The following P2RX5 variants were observed in gnomAD, a reference collection of about 807,000 sequenced individuals.
P2RX5 encodes the protein P2X purinoceptor 5.
P2RX5 carries 46 observed loss-of-function variants against 54.1 expected under a neutral mutation model. The observed-to-expected ratio is 0.85, with a 90% CI of 0.67 to 1.09. P2RX5 has a LOEUF of 1.09. Among genes scored for constraint, P2RX5 ranks in the 50% least tolerant of loss-of-function variants. The pLI, the probability that P2RX5 is intolerant of heterozygous loss-of-function variation, is 0.00. For synonymous variants in P2RX5, 226 were observed against 226.4 expected (o/e 1.00, Z 0.02); for missense variants, 566 against 549.8 (o/e 1.03, Z -0.29).
the P2RX5 span, among the ~76,000 whole-genome samples, chr17:3,710,154 T>C: frequency 6.6e-6 from 1 of 151,878 alleles, no homozygotes; most frequent in Non-Finnish European, 1.5e-5. Context: ...AGGCCGGGCG[T>C]GGCGGCTCAC....
chr17:3,682,002 C>T (rs2050298033), intron 9 of P2RX5, 24 bp from the exon 10 acceptor site: 3 of 1,542,582 alleles, frequency 1.9e-6, no homozygotes, highest in Non-Finnish European at 2.7e-6. Context: ...GTTCCTGATT[C>T]AGAATCCTAG....
intron 10 of P2RX5, among the ~76,000 whole-genome samples, chr17:3,680,353 CA>C (rs2050225500): frequency 7.3e-6 from 1 of 137,472 alleles, no homozygotes. Context: ...GTCCTCCACC[CA>C]GTGTCCTCCA....
chr17:3,675,669 C>T (rs761395390), intron 11 of P2RX5: 32 of 692,880 alleles, frequency 4.6e-5, no homozygotes, highest in Admixed American at 6.3e-5. Flanking sequence ...CTCCTGCCTC[C>T]GCCTCCCGAG....
chr17:3,675,836 C>T lies in P2RX5; in HGVS notation c.1260-1959G>A, dbSNP rs562939324. Reference sequence around the variant, plus strand: ...AAAGTGCTGGGATTACAGGTGTGAGCCACTGCGCCCAGCCTGGATCTTTAC... The same window carrying T: ...AAAGTGCTGGGATTACAGGTGTGAGTCACTGCGCCCAGCCTGGATCTTTAC... On this transcript the variant is annotated intron_variant, in intron 11 of 11. Transcript: ENST00000225328. The T allele has an allele frequency of 9.1e-5, 90 of 983,840 alleles. No individual in the cohort carries two copies. The African/African-American group carries it at 1.5e-3, about 17-fold the overall frequency. The allele number at this position is 983,840 out of a possible 1,614,324, so 60.9% of individuals were successfully genotyped here.
At chr17:3,680,540 T>C (rs1261307777) in intron 10 of P2RX5, among the ~76,000 whole-genome samples, 1 of 134,392 alleles carries the variant, frequency 7.4e-6, no homozygotes, top group African/African-American at 3.0e-5. Context: ...CCACCCAGCG[T>C]CCTCCACCCG....
chr17:3,673,951 A>G (rs2050039506), intron 11 of P2RX5, 74 bp from the exon 12 acceptor site: 2 of 1,313,828 alleles, frequency 1.5e-6, no homozygotes, highest in African/African-American at 2.9e-5. Flanking sequence ...ACCAGTGCCC[A>G]GGGAGAAGGG....
intron 9 of P2RX5, among the ~76,000 whole-genome samples, chr17:3,684,351 C>G (rs570758937): frequency 6.6e-6 from 1 of 152,376 alleles, no homozygotes; most frequent in South Asian, 2.1e-4. Flanking sequence ...CGCCCATAAT[C>G]CCAGCACTTG....
chr17:3,698,611 CT>C (rs967997908), upstream of P2RX5, among the ~76,000 whole-genome samples: 1 of 152,176 alleles, frequency 6.6e-6, no homozygotes, highest in Admixed American at 6.6e-5. Flanking sequence ...CTGCCAGGCA[CT>C]TGCCCTCCAT....
chr17:3,706,295 G>A, the P2RX5 span, among the ~76,000 whole-genome samples: 1 of 151,718 alleles, frequency 6.6e-6, no homozygotes, highest in African/African-American at 2.4e-5. Context: ...GGGTTTCGCC[G>A]TGTTGCCCAG....
At chr17:3,690,787 A>T in intron 3 of P2RX5, 107 bp from the exon 4 acceptor site, 1 of 1,246,038 alleles carries the variant, frequency 8.0e-7, no homozygotes, top group Non-Finnish European at 1.2e-6. Flanking sequence ...GCCCACACAC[A>T]CTCTGAGAAC....
chr17:3,684,796 AC>A (rs1597710651), intron 9 of P2RX5, among the ~76,000 whole-genome samples: 1 of 146,754 alleles, frequency 6.8e-6, no homozygotes, highest in Non-Finnish European at 1.5e-5. Context: ...AGTCAGCAGC[AC>A]CCAGGCTAAG....
At chr17:3,723,478 G>A in the P2RX5 span, 25 of 1,060,634 alleles carry the variant, frequency 2.4e-5, no homozygotes, top group Non-Finnish European at 3.4e-5. Context: ...TAAGGTCCCA[G>A]AATAGAGGGT....
At chr17:3,704,077 C>T in the P2RX5 span, among the ~76,000 whole-genome samples, 1 of 151,740 alleles carries the variant, frequency 6.6e-6, no homozygotes, top group East Asian at 1.9e-4. Flanking sequence ...ACTCCAGCCT[C>T]GGCAACAAGA....
Position 3,695,952 on chromosome 17 carries a change from G to T in P2RX5, c.54C>A (p.Thr18=), listed in dbSNP as rs574587052. The T allele has an allele frequency of 1.2e-6, 2 of 1,614,096 alleles. No homozygotes were observed. The highest frequency in any genetic ancestry group is 2.2e-5 in the South Asian group (2 of 91,086). ...GLCLSLFDYK[T]EKYVIAKNKK... ...TGTTCTTGGCGATGACATACTTCTC[G>T]GTCTTGTAGTCGAACAGCGACAGGC... Residue 18 remains threonine, a synonymous_variant, in exon 1 of 12, where the codon ACC becomes ACA. Transcript: ENST00000225328.
In P2RX5 at chr17:3,688,096, T is replaced by C. The variant is rs765749478; in HGVS notation, c.897A>G (p.Arg299=). Residue 299 remains arginine, a synonymous_variant, in exon 9 of 12, where the codon AGA becomes AGG. Coordinates refer to ENST00000225328, the MANE Select transcript of P2RX5 (RefSeq NM_002561.4). ...CCACCCCGGCTGCGTCTCGGTAATA[T>C]CTGGCAAATCTGAGGGAGACAGGGC... The part of the protein sequence containing the change: ...VSSGYNFRFA[R]YYRDAAGVEF... 3 of 1,588,498 alleles carry C rather than the reference T, an allele frequency of 1.9e-6. No homozygotes were observed. In the South Asian group the frequency reaches 3.4e-5, roughly 18 times the overall value.
In P2RX5 at chr17:3,690,938, C is replaced by A; in HGVS notation, c.360+18G>T. 1.2e-6 allele frequency: 2 copies of A among 1,608,144 alleles called. No homozygotes were observed. Among genetic ancestry groups the A allele is most frequent in the Middle Eastern group, 1.7e-4 (1 of 5,984 alleles). On this transcript the variant is annotated intron_variant, in intron 3 of 11. Transcript: ENST00000225328. ...TGGCTCTCCCACCCCCACGCCAGGG[C>A]CCCTCGCCAAATCAAACCTCAGCAC...
the P2RX5 span, among the ~76,000 whole-genome samples, chr17:3,722,816 G>A: frequency 6.6e-6 from 1 of 152,192 alleles, no homozygotes; most frequent in African/African-American, 2.4e-5. Flanking sequence ...TTTTTAATAA[G>A]CAGGGGAATG....
rs2050744426 is a variant in P2RX5, at chr17:3,695,849, A to T, written c.137+20T>A. The stretch of plus-strand genomic sequence containing the variant: ...GCCCTGCCCCTCCCCCGCCTTCCCA[A>T]AAGTCCGCGGAGAACTTACACGACC... On this transcript the variant is annotated intron_variant, in intron 1 of 11. Coordinates refer to ENST00000225328, the MANE Select transcript of P2RX5 (RefSeq NM_002561.4). 1 of 1,613,048 alleles carries T rather than the reference A, an allele frequency of 6.2e-7. No homozygotes were observed. The highest frequency in any genetic ancestry group is 8.5e-7 in the Non-Finnish European group (1 of 1,179,370).
the P2RX5 span, chr17:3,723,775 GAACA>G: frequency 2.2e-5 from 35 of 1,602,618 alleles, no homozygotes; most frequent in Non-Finnish European, 2.8e-5. Flanking sequence ...GCGACGCGCT[GAACA>G]AACCAAGCCG....
Sources: gnomAD v4.1 joint callset for allele counts (sites outside exome capture counted in the v4.1 genomes callset) on GRCh38, gnomAD v4.1.1 for gene constraint, MANE v1.5 for transcripts, NCBI Gene and HGNC (gene_info 2026-07-23, HGNC 2026-07-21) for gene names.